Variants in NWD2 observed in about 807,000 individuals in gnomAD.
The protein encoded by NWD2 is NACHT and WD repeat domain-containing protein 2.
In NWD2, 37 loss-of-function variants were observed where a neutral mutation model predicts 132.7. The observed-to-expected ratio is 0.28, with a 90% CI of 0.21 to 0.37. The LOEUF is 0.37. NWD2 is among the 10% of genes least tolerant of loss of function. The probability of loss-of-function intolerance (pLI) is 1.00; values close to 1 mark genes in which losing one functional copy is unlikely to be tolerated. For synonymous variants in NWD2, 705 were observed against 803.0 expected, an observed-to-expected ratio of 0.88 and a Z score of 2.06; for missense variants, 1,592 against 2,122.4, an observed-to-expected ratio of 0.75 and a Z score of 4.91.
intron 3 of NWD2, among the ~76,000 whole-genome samples, chr4:37,410,670 C>T (rs930699269): frequency 2.0e-5 from 3 of 152,288 alleles, no homozygotes; most frequent in Admixed American, 6.5e-5. Flanking sequence ...CTGAACTCTC[C>T]ACCCCAAATC....
At chr4:37,395,834 C>T (rs905332426) in intron 3 of NWD2, among the ~76,000 whole-genome samples, 9 of 151,534 alleles carry the variant, frequency 5.9e-5, no homozygotes, top group East Asian at 2.0e-4. Context: ...GGCATGATCT[C>T]GGCTCACTGC....
intron 2 of NWD2, among the ~76,000 whole-genome samples, chr4:37,351,729 CGTTT>C (rs1719768892): frequency 6.6e-6 from 1 of 151,890 alleles, no homozygotes. Flanking sequence ...CTTTAGAATT[CGTTT>C]GCTCTTCCTT....
intron 1 of NWD2, among the ~76,000 whole-genome samples, chr4:37,260,987 A>G (rs1473144416): frequency 6.6e-6 from 1 of 152,224 alleles, no homozygotes; most frequent in Non-Finnish European, 1.5e-5. Flanking sequence ...TTTCTGACTC[A>G]GTGACCTTAA....
intron 3 of NWD2, among the ~76,000 whole-genome samples, chr4:37,426,736 T>G: frequency 6.6e-6 from 1 of 152,198 alleles, no homozygotes; most frequent in Non-Finnish European, 1.5e-5. Flanking sequence ...ACTCACAATG[T>G]TCTTTCCATC....
chr4:37,413,887 C>T (rs1015962662), intron 3 of NWD2, among the ~76,000 whole-genome samples: 6 of 151,986 alleles, frequency 3.9e-5, no homozygotes, highest in South Asian at 2.1e-4. Context: ...AACCAAACAC[C>T]GCATGTTCTC....
At chr4:37,353,277 T>C (rs1380605706) in intron 2 of NWD2, among the ~76,000 whole-genome samples, 1 of 152,196 alleles carries the variant, frequency 6.6e-6, no homozygotes, top group Non-Finnish European at 1.5e-5. Context: ...GCCCCTAACA[T>C]TTTTTCCTTC....
rs920332526 is a variant in NWD2 at position 37,443,162 on chromosome 4, G to A, written c.1297-123G>A. ...TCTCAGAGGGTTTTTCCAATTTTTG[G>A]TCCTAAGCTATTTCCTGCACAGCAG... On this transcript the variant is annotated intron_variant, in intron 6 of 6. Coordinates refer to ENST00000309447, the MANE Select transcript of NWD2 (RefSeq NM_001144990.2). This position sits in a 1 kb window ranked among gnomAD's most constrained non-coding sequence, Gnocchi z 4.1. The A allele has an allele frequency of 2.1e-5, 18 of 843,038 alleles. No individual in the cohort carries two copies. The East Asian group carries it at 4.0e-4, about 19-fold the overall frequency. The allele number at this position is 843,038 out of a possible 1,614,324, so 52.2% of individuals were successfully genotyped here.
At chr4:37,328,875 T>C (rs1719229706) in intron 2 of NWD2, among the ~76,000 whole-genome samples, 2 of 152,140 alleles carry the variant, frequency 1.3e-5, no homozygotes, top group African/African-American at 4.8e-5. Flanking sequence ...CTTGTTTGTT[T>C]ATGTATTGGC....
At chr4:37,336,088 T>C (rs967678104) in intron 2 of NWD2, among the ~76,000 whole-genome samples, 3 of 152,116 alleles carry the variant, frequency 2.0e-5, no homozygotes, top group African/African-American at 7.2e-5. Flanking sequence ...TTATTTTTTT[T>C]CTGCTTATGC....
intron 2 of NWD2, among the ~76,000 whole-genome samples, chr4:37,330,041 A>G (rs1347602857): frequency 6.6e-6 from 1 of 152,220 alleles, no homozygotes; most frequent in Non-Finnish European, 1.5e-5. Context: ...ATAGAATATG[A>G]ATAGAATAGA....
chr4:37,431,841 C>T (rs1164550791), intron 4 of NWD2, among the ~76,000 whole-genome samples: 1 of 152,098 alleles, frequency 6.6e-6, no homozygotes, highest in African/African-American at 2.4e-5. Context: ...AATTTTCCTT[C>T]CTCCTGAAGT....
intron 1 of NWD2, among the ~76,000 whole-genome samples, chr4:37,247,708 C>T (rs1314208861): frequency 6.6e-6 from 1 of 152,066 alleles, no homozygotes; most frequent in Non-Finnish European, 1.5e-5. Flanking sequence ...CTCCCGGCTC[C>T]AAGCTATTCT....
intron 5 of NWD2, among the ~76,000 whole-genome samples, chr4:37,437,958 T>C (rs1453126059): frequency 6.6e-6 from 1 of 152,078 alleles, no homozygotes; most frequent in Non-Finnish European, 1.5e-5. Context: ...ATAATTATAT[T>C]TTGCCTTAAA....
At chr4:37,267,625 G>T (rs575801941) in intron 1 of NWD2, among the ~76,000 whole-genome samples, 55 of 151,880 alleles carry the variant, frequency 3.6e-4, no homozygotes, top group Non-Finnish European at 6.9e-4. Flanking sequence ...AAAGTCGTGG[G>T]CTGTAAATTT....
intron 3 of NWD2, among the ~76,000 whole-genome samples, chr4:37,403,920 C>G (rs1456167515): frequency 6.6e-6 from 1 of 152,156 alleles, no homozygotes; most frequent in Non-Finnish European, 1.5e-5. Flanking sequence ...TTTTCACTGA[C>G]AAACTTTAGT....
At chr4:37,427,094 A>C (rs1230177267) in intron 3 of NWD2, among the ~76,000 whole-genome samples, 1 of 151,472 alleles carries the variant, frequency 6.6e-6, no homozygotes, top group Non-Finnish European at 1.5e-5. Flanking sequence ...GAGTGTTGTC[A>C]ATTACTAAAT....
intron 1 of NWD2, among the ~76,000 whole-genome samples, chr4:37,297,507 C>A (rs1319602755): frequency 6.6e-6 from 1 of 152,098 alleles, no homozygotes; most frequent in Non-Finnish European, 1.5e-5. Flanking sequence ...AGTATATGTT[C>A]TTACATAAGT....
intron 1 of NWD2, among the ~76,000 whole-genome samples, chr4:37,256,394 A>G (rs1717519213): frequency 2.0e-5 from 3 of 152,220 alleles, no homozygotes. Flanking sequence ...ACAGCTTTCT[A>G]AAGGGAGAAG....
intron 5 of NWD2, among the ~76,000 whole-genome samples, chr4:37,436,479 G>A (rs777058424): frequency 1.3e-5 from 2 of 152,126 alleles, no homozygotes; most frequent in Non-Finnish European, 2.9e-5. Context: ...GCCAAGCTTA[G>A]ATGGGCTCTG....
Sources: gnomAD v4.1 joint callset for allele counts (sites outside exome capture counted in the v4.1 genomes callset) on GRCh38, gnomAD v4.1.1 for gene constraint, Gnocchi (gnomAD v3.1) non-coding constraint, MANE v1.5 for transcripts, NCBI Gene and HGNC (gene_info 2026-07-23, HGNC 2026-07-21) for gene names.